The following CBFB variants were observed in gnomAD, a reference collection of about 807,000 sequenced individuals.
CBFB encodes core-binding factor subunit beta.
Under a neutral mutation model 30.4 loss-of-function variants are expected in CBFB, and 9 were observed. The ratio of observed to expected loss-of-function variants is 0.30; its 90% CI spans 0.18 to 0.52. CBFB has a LOEUF of 0.52. CBFB is among the 20% of genes least tolerant of loss of function. The pLI, the probability that CBFB is intolerant of heterozygous loss-of-function variation, is 0.97. For missense variants in CBFB, 170 were observed against 244.0 expected, an observed-to-expected ratio of 0.70 and a Z score of 2.02; for synonymous variants, 94 against 84.0, an observed-to-expected ratio of 1.12 and a Z score of -0.65.
intron 3 of CBFB, among the ~76,000 whole-genome samples, chr16:67,060,430 T>TA (rs1960876068): frequency 6.6e-6 from 1 of 152,202 alleles, no homozygotes; most frequent in Admixed American, 6.6e-5. Flanking sequence ...AGAAATCCCA[T>TA]ACATGGTAGC....
intron 3 of CBFB, among the ~76,000 whole-genome samples, chr16:67,038,288 ATATATATATACACGTATATATG>A (rs987946818): frequency 6.6e-6 from 1 of 151,512 alleles, no homozygotes; most frequent in African/African-American, 2.4e-5. Flanking sequence ...TTGTGTGTAT[ATATATATATACACGTATATATG>A]TGTATATATA....
At chr16:67,061,288 T>C (rs1204183169) in intron 3 of CBFB, among the ~76,000 whole-genome samples, 2 of 152,250 alleles carry the variant, frequency 1.3e-5, no homozygotes, top group African/African-American at 4.8e-5. Context: ...ATAAACTGTT[T>C]TCTTGTTTTT....
intron 3 of CBFB, among the ~76,000 whole-genome samples, chr16:67,050,149 T>C (rs930691550): frequency 6.7e-6 from 1 of 148,530 alleles, no homozygotes; most frequent in African/African-American, 2.5e-5. Context: ...TACTGATATA[T>C]ATATATCATA....
At chr16:67,096,851 G>C (rs992625908) in intron 5 of CBFB, among the ~76,000 whole-genome samples, 1 of 150,484 alleles carries the variant, frequency 6.6e-6, no homozygotes, top group African/African-American at 2.5e-5. Flanking sequence ...GTGGGCGCCT[G>C]TAGTCCCAGC....
At chr16:67,066,658 T>A in intron 3 of CBFB, 24 bp from the exon 4 acceptor site, 1 of 1,275,332 alleles carries the variant, frequency 7.8e-7, no homozygotes, top group Non-Finnish European at 1.1e-6. Context: ...TTTTCAATTA[T>A]TTTCATCCTT....
At chr16:67,085,672 TC>T (rs1567623520) in intron 5 of CBFB, among the ~76,000 whole-genome samples, 2 of 144,456 alleles carry the variant, frequency 1.4e-5, no homozygotes, top group Non-Finnish European at 3.0e-5. Context: ...AAATTTAGTA[TC>T]TTTTTTTTTT....
intron 4 of CBFB, among the ~76,000 whole-genome samples, chr16:67,072,469 T>C (rs1219278587): frequency 6.6e-6 from 1 of 151,902 alleles, no homozygotes; most frequent in African/African-American, 2.4e-5. Context: ...TTTTCTTTTT[T>C]TTTCTTTTTT....
chr16:67,031,993 C>T (rs954365008), intron 2 of CBFB, among the ~76,000 whole-genome samples: 2 of 152,058 alleles, frequency 1.3e-5, no homozygotes, highest in African/African-American at 4.8e-5. Flanking sequence ...TACGCAGCCC[C>T]ATGTGTTGTA....
chr16:67,038,133 T>G (rs146823835), intron 3 of CBFB, among the ~76,000 whole-genome samples: 13 of 152,202 alleles, frequency 8.5e-5, no homozygotes, highest in Admixed American at 1.3e-4. Context: ...TTGTGTGTGT[T>G]TGTTTTGCAG....
chr16:67,083,328 C>T (rs1021428480), intron 5 of CBFB, among the ~76,000 whole-genome samples: 1 of 149,106 alleles, frequency 6.7e-6, no homozygotes, highest in Non-Finnish European at 1.5e-5. Context: ...TGGAGTCTTG[C>T]TCTGTCGCCC....
chr16:67,029,963 C>A, intron 2 of CBFB, 150 bp downstream of exon 2: 1 of 497,178 alleles, frequency 2.0e-6, no homozygotes, highest in Non-Finnish European at 3.4e-6. Flanking sequence ...AAATGCGAAA[C>A]CAGATGCCGC....
intron 2 of CBFB, 98 bp downstream of exon 2, chr16:67,029,911 C>A: frequency 1.4e-6 from 1 of 720,712 alleles, no homozygotes; most frequent in Non-Finnish European, 2.1e-6. Context: ...CTGCGGCTCC[C>A]GGAACTGAGT....
At chr16:67,074,896 C>T (rs929807094) in intron 4 of CBFB, among the ~76,000 whole-genome samples, 1 of 151,626 alleles carries the variant, frequency 6.6e-6, no homozygotes, top group Admixed American at 6.6e-5. Flanking sequence ...AAAGGACTTA[C>T]ATAAAATATG....
At chr16:67,059,487 C>T (rs1004183398) in intron 3 of CBFB, among the ~76,000 whole-genome samples, 4 of 152,190 alleles carry the variant, frequency 2.6e-5, no homozygotes, top group Non-Finnish European at 4.4e-5. Context: ...TAGAAAAATG[C>T]ACATGGGCTC....
chr16:67,075,596 C>T (rs1597151064), intron 4 of CBFB, among the ~76,000 whole-genome samples: 1 of 152,076 alleles, frequency 6.6e-6, no homozygotes, highest in East Asian at 1.9e-4. Flanking sequence ...TATGATCTAG[C>T]AGTTCTACTC....
chr16:67,062,597 G>A (rs1298097525), intron 3 of CBFB, among the ~76,000 whole-genome samples: 3 of 149,926 alleles, frequency 2.0e-5, no homozygotes, highest in Admixed American at 6.6e-5. Flanking sequence ...TTCGAGAGCA[G>A]CCCGGCCAAC....
chr16:67,085,739 G>A (rs566382997), intron 5 of CBFB, among the ~76,000 whole-genome samples: 15 of 147,442 alleles, frequency 1.0e-4, no homozygotes, highest in South Asian at 4.3e-4. Flanking sequence ...GTGCAGTGGC[G>A]CATTCTCAGC....
chr16:67,044,119 T>G (rs1966581264), intron 3 of CBFB, among the ~76,000 whole-genome samples: 1 of 152,250 alleles, frequency 6.6e-6, no homozygotes, highest in African/African-American at 2.4e-5. Context: ...TGATTATGGT[T>G]GACCATAAAT....
chr16:67,063,504 C>T (rs1247692042), intron 3 of CBFB, among the ~76,000 whole-genome samples: 2 of 151,960 alleles, frequency 1.3e-5, no homozygotes. Flanking sequence ...TGCAGTGGTG[C>T]GACCTCAGCT....
Sources: allele counts gnomAD v4.1 joint callset (sites outside exome capture counted in the v4.1 genomes callset), GRCh38; gene constraint gnomAD v4.1.1; transcripts MANE v1.5; gene names NCBI Gene and HGNC (gene_info 2026-07-23, HGNC 2026-07-21).